Variants in NOD2 observed in about 807,000 individuals in gnomAD.
The protein encoded by NOD2 is nucleotide-binding oligomerization domain-containing protein 2.
NOD2 carries 86 observed loss-of-function variants against 90.9 expected under a neutral mutation model. The ratio of observed to expected loss-of-function variants is 0.95; its 90% CI spans 0.79 to 1.13. NOD2 has a LOEUF of 1.13. Ranked by LOEUF, NOD2 falls within the 50% of genes most tolerant of loss-of-function variation. The pLI is 0.00. For missense variants in NOD2, 1,238 were observed against 1,283.8 expected (o/e 0.96, Z 0.55); for synonymous variants, 581 against 554.6 (o/e 1.05, Z -0.67).
At chr16:50,717,360 C>T (rs1313219849) in intron 6 of NOD2, among the ~76,000 whole-genome samples, 2 of 152,190 alleles carry the variant, frequency 1.3e-5, no homozygotes, top group Non-Finnish European at 2.9e-5. Context: ...TGCTGCAACA[C>T]TCCCAGGAGG....
chr16:50,723,288 T>C lies in NOD2; in HGVS notation c.2718-13T>C, dbSNP rs748896645. Reference sequence around the variant, plus strand: ...CCTGCTCTGACATACTTTTGTTCCATGATTACCTCCAGCCTGGTGGGGAAC... The same window carrying C: ...CCTGCTCTGACATACTTTTGTTCCACGATTACCTCCAGCCTGGTGGGGAAC... On this transcript the variant is annotated splice_polypyrimidine_tract_variant and intron_variant, in intron 8 of 11. Transcript: ENST00000647318. The C allele has an allele frequency of 6.2e-7, 1 of 1,613,186 alleles. No homozygotes were observed. Among genetic ancestry groups the C allele is most frequent in the Non-Finnish European group, 8.5e-7 (1 of 1,179,454 alleles).
Position 50,711,761 on chromosome 16 carries a change from T to A in NOD2, c.1769T>A (p.Leu590His), listed in dbSNP as rs772781164. The A allele has an allele frequency of 6.2e-7, 1 of 1,614,226 alleles. No homozygotes were observed. Among genetic ancestry groups the A allele is most frequent in the Non-Finnish European group, 8.5e-7 (1 of 1,180,042 alleles). ...QCFFAAFYLA[L>H]SADVPPALLR... Reference sequence around the variant, plus strand: ...TTCTTTGCCGCGTTCTACCTGGCACTCAGTGCTGATGTGCCACCAGCTTTG... The same window carrying A: ...TTCTTTGCCGCGTTCTACCTGGCACACAGTGCTGATGTGCCACCAGCTTTG... Residue 590 changes from leucine to histidine, a missense_variant, in exon 4 of 12, where the codon CTC (leucine) becomes CAC (histidine). Transcript: ENST00000647318.
chr16:50,697,406 T>C, intron 1 of NOD2: 1 of 1,190,506 alleles, frequency 8.4e-7, no homozygotes, highest in East Asian at 2.5e-5. Flanking sequence ...TGGGGTCAGA[T>C]GGGGAGTGCT....
In NOD2 at chr16:50,732,003, C is replaced by T. The variant is rs1965474255; in HGVS notation, c.*184C>T. ...TGGCAGAGGAGGGAGCATCAGTGCC[C>T]TCCAGGATAGACTTTTCCCAAGCCT... is the stretch of plus-strand genomic sequence containing the variant. On this transcript the variant is annotated 3_prime_UTR_variant, in exon 12 of 12. Transcript: ENST00000647318. 9.4e-6 allele frequency: 6 copies of T among 640,868 alleles called. No homozygotes were observed. The highest frequency in any genetic ancestry group is 1.7e-5 in the Non-Finnish European group (6 of 352,036). 39.7% of individuals were successfully genotyped at this position (640,868 alleles called of 1,614,324 possible).
intron 2 of NOD2, among the ~76,000 whole-genome samples, chr16:50,707,057 G>A (rs529549571): frequency 6.6e-6 from 1 of 152,150 alleles, no homozygotes; most frequent in Non-Finnish European, 1.5e-5. Flanking sequence ...GGCTATTGTG[G>A]ATTAAATAGA....
At chr16:50,703,394 C>G (rs1964026659) in intron 2 of NOD2, among the ~76,000 whole-genome samples, 1 of 152,132 alleles carries the variant, frequency 6.6e-6, no homozygotes, top group Admixed American at 6.5e-5. Context: ...AATCCCAGTA[C>G]TTTGGGAGGC....
chr16:50,714,487 T>G (rs1596877909), intron 4 of NOD2, among the ~76,000 whole-genome samples: 1 of 152,204 alleles, frequency 6.6e-6, no homozygotes, highest in Non-Finnish European at 1.5e-5. Flanking sequence ...ACCAGCTTGG[T>G]TTTCCATTAG....
intron 2 of NOD2, among the ~76,000 whole-genome samples, chr16:50,704,257 G>T (rs1964077701): frequency 6.6e-6 from 1 of 152,098 alleles, no homozygotes; most frequent in African/African-American, 2.4e-5. Context: ...TCCCTACATG[G>T]TCTTCCTGCC....
rs1567392321 is a variant in NOD2, at chr16:50,711,419, A to C, written c.1427A>C (p.Glu476Ala). The C allele has an allele frequency of 1.9e-6, 3 of 1,613,466 alleles. No homozygotes were observed. In the South Asian group the frequency reaches 3.3e-5, roughly 18 times the overall value. ...TGCCACCAGGAACTGTTGCTGCAGG[A>C]GGGGGGGTCCCCAAAGACCACTACA... is the stretch of plus-strand genomic sequence containing the variant. ...SKCHQELLLQ[E>A]GGSPKTTTDM... The change falls in exon 4 of 12, where the codon GAG becomes GCG. Residue 476 changes from glutamate (E) to alanine (A), a missense_variant. Coordinates refer to ENST00000647318, the MANE Select transcript of NOD2 (RefSeq NM_001370466.1).
intron 10 of NOD2, chr16:50,727,725 TGTC>T: frequency 2.8e-6 from 1 of 357,212 alleles, no homozygotes; most frequent in Non-Finnish European, 5.6e-6. Flanking sequence ...AGTCGGGTGT[TGTC>T]GTGGAGAATT....
rs576130360 is a variant in NOD2, at chr16:50,722,009, G to A, written c.2634-613G>A. 8.5e-5 allele frequency among the ~76,000 whole-genome samples: 13 copies of A among 152,288 alleles called. No individual in the cohort carries two copies. The East Asian group carries it at 2.3e-3, about 27-fold the overall frequency. ...ATTCAGCCATTCTTTGCTAACTTGTGTACATACCTGTCCAGGGTAGGTCCC... is the reference window on the plus strand; with the variant it reads ...ATTCAGCCATTCTTTGCTAACTTGTATACATACCTGTCCAGGGTAGGTCCC... On this transcript the variant is annotated intron_variant, in intron 7 of 11. Transcript: ENST00000647318.
intron 4 of NOD2, 97 bp from the exon 5 acceptor site, chr16:50,716,490 C>A: frequency 8.5e-7 from 1 of 1,169,672 alleles, no homozygotes; most frequent in Non-Finnish European, 1.2e-6. Flanking sequence ...CAGATGCTGG[C>A]ACTTCAGGGA....
chr16:50,726,176 A>C (rs1596909388), intron 10 of NOD2, among the ~76,000 whole-genome samples: 1 of 152,216 alleles, frequency 6.6e-6, no homozygotes, highest in East Asian at 1.9e-4. Context: ...AAAGAGATGG[A>C]CAGCTCAGGT....
rs1273336952 is a variant in NOD2, at chr16:50,731,765, C to T, written c.2988C>T (p.Phe996=). 5 of 1,613,544 alleles carry T rather than the reference C, an allele frequency of 3.1e-6. No individual in the cohort carries two copies. The highest frequency in any genetic ancestry group is 3.4e-6 in the Non-Finnish European group (4 of 1,179,564). The change falls in exon 12 of 12, where the codon TTC becomes TTT. Residue 996 remains phenylalanine, a synonymous_variant. Transcript: ENST00000647318. The part of the protein sequence containing the change: ...ILEVWLRGNT[F]SLEEVDKLGC... ...GCTTTAGGCTCCGAGGGAACACTTT[C>T]TCTCTAGAGGAGGTTGACAAGCTCG...
At position 50,712,275 on chromosome 16, in the gene NOD2, C is replaced by T. The variant is rs748697332; in HGVS notation, c.2283C>T (p.His761=). 6.2e-7 allele frequency: 1 copy of T among 1,614,002 alleles called. No individual in the cohort carries two copies. Among genetic ancestry groups the T allele is most frequent in the Non-Finnish European group, 8.5e-7 (1 of 1,180,050 alleles). ...ECAALAFVLQ[H]LRRPVALQLD... ...CTGCCCTGGCCTTTGTGCTGCAGCA[C>T]CTCCGGCGGCCCGTGGCCCTGCAGC... Residue 761 remains histidine (H), a synonymous_variant, in exon 4 of 12, where the codon CAC becomes CAT. Transcript: ENST00000647318.
intron 10 of NOD2, 34 bp downstream of exon 10, chr16:50,725,606 A>G (rs1965237994): frequency 6.5e-7 from 1 of 1,530,964 alleles, no homozygotes; most frequent in African/African-American, 1.4e-5. Context: ...CAGGACAATA[A>G]TTGCTGGCCT....
In NOD2 at chr16:50,710,807, G is replaced by A. The variant is rs771184127; in HGVS notation, c.815G>A (p.Gly272Asp). The change falls in exon 4 of 12, where the codon GGT becomes GAT. Residue 272 changes from glycine (G) to aspartate (D), a missense_variant. By Grantham distance (94) the Gly-to-Asp change is moderately conservative. This residue lies in a region of NOD2 where 567 missense variants were observed against 577.3 expected (regional missense o/e 0.98). Transcript: ENST00000647318. ...GATGCGGACACTGTGCTGGTGGTGG[G>A]TGAGGCGGGCAGTGGCAAGAGCACG... is the stretch of plus-strand genomic sequence containing the variant. The part of the protein sequence containing the change: ...NDDADTVLVV[G>D]EAGSGKSTLL... The A allele has an allele frequency of 1.4e-5, 22 of 1,613,994 alleles. No homozygotes were observed. Among genetic ancestry groups the A allele is most frequent in the Middle Eastern group, 1.6e-4 (1 of 6,084 alleles).
chr16:50,723,221 G>A (rs1000396225), intron 8 of NOD2, 80 bp from the exon 9 acceptor site: 11 of 1,164,344 alleles, frequency 9.4e-6, no homozygotes, highest in Admixed American at 1.9e-5. Flanking sequence ...AGAGCACCAC[G>A]AATTTTGCCC....
rs104895475 is a variant in NOD2, at chr16:50,711,921, C to T, written c.1929C>T (p.Asn643=). 13 of 1,609,610 alleles carry T rather than the reference C, an allele frequency of 8.1e-6. No homozygotes were observed. The highest frequency in any genetic ancestry group is 3.4e-6 in the Non-Finnish European group (4 of 1,176,878). ...TGCTGCAGAAGGCCGAGCCGCACAA[C>T]CTTCAGATCACAGCAGCCTTCCTGG... The part of the protein sequence containing the change: ...AALLQKAEPH[N]LQITAAFLAG... Residue 643 remains asparagine, a synonymous_variant, in exon 4 of 12, where the codon AAC becomes AAT. Transcript: ENST00000647318.
Sources: allele counts gnomAD v4.1 joint callset (sites outside exome capture counted in the v4.1 genomes callset), GRCh38; gene constraint gnomAD v4.1.1; regional missense constraint gnomAD v4.1.1; transcripts MANE v1.5; gene names NCBI Gene and HGNC (gene_info 2026-07-23, HGNC 2026-07-21).